Variants in GLI3 observed in about 807,000 individuals in gnomAD.
The protein encoded by GLI3 is transcription activator GLI3.
Under a neutral mutation model 100.8 loss-of-function variants are expected in GLI3, and 20 were observed. That is an observed-to-expected ratio of 0.20 (90% CI 0.14 to 0.29). The LOEUF (loss-of-function observed/expected upper bound fraction) is 0.29. Ranked by LOEUF, GLI3 falls within the 10% of genes least tolerant of loss-of-function variation. The probability of loss-of-function intolerance (pLI) is 1.00; values close to 1 mark genes in which losing one functional copy is unlikely to be tolerated. For synonymous variants in GLI3, 938 were observed against 860.5 expected, an observed-to-expected ratio of 1.09 and a Z score of -1.58; for missense variants, 2,040 against 2,128.5, an observed-to-expected ratio of 0.96 and a Z score of 0.82.
chr7:42,230,838 T>C (rs1788683391), intron 1 of GLI3, among the ~76,000 whole-genome samples: 1 of 152,166 alleles, frequency 6.6e-6, no homozygotes, highest in South Asian at 2.1e-4. Context: ...GCACCCCCAC[T>C]TTCTACGGGG....
chr7:41,972,506 T>G lies in GLI3; in HGVS notation c.1934A>C (p.Asp645Ala). The G allele has an allele frequency of 6.2e-7, 1 of 1,613,316 alleles. No individual in the cohort carries two copies. The highest frequency in any genetic ancestry group is 8.5e-7 in the Non-Finnish European group (1 of 1,179,964). ...CGGGGGTGGCGGCCGAGGATGGATGTCCCCTCGCTGCTTCTTGGTGACATG... is the reference window on the plus strand; with the variant it reads ...CGGGGGTGGCGGCCGAGGATGGATGGCCCCTCGCTGCTTCTTGGTGACATG... ...EAHVTKKQRG[D>A]IHPRPPPPRD... The change falls in exon 13 of 15, where the codon GAC becomes GCC. Residue 645 changes from aspartate to alanine, a missense_variant. Asp to Ala is a moderately radical substitution (Grantham distance 126). This residue lies in a region of GLI3 where 327 missense variants were observed against 338.7 expected (regional missense o/e 0.97). Transcript: ENST00000395925. The surrounding 1 kb of genome is among the most constrained non-coding windows in gnomAD (Gnocchi z 4.4).
At chr7:42,246,948 C>A (rs889271006) in intron 1 of GLI3, among the ~76,000 whole-genome samples, 1 of 150,792 alleles carries the variant, frequency 6.6e-6, no homozygotes, top group African/African-American at 2.4e-5. Context: ...ACACCCTGAA[C>A]AAGGCAAGGC....
At chr7:41,989,773 C>T (rs926610760) in intron 10 of GLI3, among the ~76,000 whole-genome samples, 3 of 151,914 alleles carry the variant, frequency 2.0e-5, no homozygotes, top group East Asian at 1.9e-4. Context: ...TGGCTCACAC[C>T]TGTAATCCCA....
intron 3 of GLI3, among the ~76,000 whole-genome samples, chr7:42,143,340 GAACTGTCACTGCCTTTGCAGTTTGGTC>G: frequency 6.6e-6 from 1 of 152,342 alleles, no homozygotes; most frequent in Admixed American, 6.5e-5. Flanking sequence ...AGAGCTCAGG[GAACTGTCACTGCCTTTGCAGTTTGGTC>G]AAGACAAAAC....
chr7:42,008,624 C>T (rs1788526192), intron 10 of GLI3, among the ~76,000 whole-genome samples: 1 of 152,150 alleles, frequency 6.6e-6, no homozygotes. Flanking sequence ...CTGTCAACCA[C>T]TCTACACGAG....
At position 42,247,597 on chromosome 7, in the gene GLI3, T is replaced by C. The variant is rs148217152; in HGVS notation, c.-43+16397A>G. 5.2e-3 allele frequency among the ~76,000 whole-genome samples: 787 copies of C among 152,310 alleles called. 4 individuals carry two copies. The highest frequency in any genetic ancestry group is 0.017 in the African/African-American group (712 of 41,570). ...GCTTCTTATTCTGCTTCCGTGTAAG[T>C]TTGTGGTGCATGGTCCAGTACTTCA... On this transcript the variant is annotated intron_variant, in intron 1 of 2. Transcript: ENST00000678978.
chr7:42,015,262 C>T (rs575539049), intron 10 of GLI3, among the ~76,000 whole-genome samples: 1 of 152,124 alleles, frequency 6.6e-6, no homozygotes, highest in Non-Finnish European at 1.5e-5. Flanking sequence ...TCCCATCCCC[C>T]ACTCACTGAT....
chr7:41,968,686 G>GAAGAAAGAAAGAAAGAAAGA (rs748578300), intron 13 of GLI3, among the ~76,000 whole-genome samples: 3 of 76,204 alleles, frequency 3.9e-5, no homozygotes, highest in African/African-American at 1.1e-4. Context: ...AAGAAAGAAA[G>GAAGAAAGAAAGAAAGAAAGA]AAGAAAGAAA....
At chr7:41,974,747 G>A (rs1787463454) in intron 12 of GLI3, among the ~76,000 whole-genome samples, 1 of 152,228 alleles carries the variant, frequency 6.6e-6, no homozygotes, top group South Asian at 2.1e-4. Flanking sequence ...TCATGTACAT[G>A]AAGTGCTTAC....
At chr7:42,193,928 G>C (rs1471125281) in intron 2 of GLI3, among the ~76,000 whole-genome samples, 1 of 152,082 alleles carries the variant, frequency 6.6e-6, no homozygotes, top group African/African-American at 2.4e-5. Flanking sequence ...AACAGATACC[G>C]CTAAAGCTCC....
chr7:42,239,161 C>T (rs1219979909), upstream of GLI3, among the ~76,000 whole-genome samples: 1 of 152,160 alleles, frequency 6.6e-6, no homozygotes, highest in African/African-American at 2.4e-5. Context: ...CTCGACCTCA[C>T]GGCTCAGGAA....
intron 3 of GLI3, among the ~76,000 whole-genome samples, chr7:42,113,163 C>T (rs1427668441): frequency 6.6e-6 from 1 of 152,050 alleles, no homozygotes; most frequent in Non-Finnish European, 1.5e-5. Flanking sequence ...GGCGACAGAG[C>T]GAGACTCTGT....
In GLI3 at chr7:41,972,358, G is replaced by T; in HGVS notation, c.2082C>A (p.Thr694=). 1.2e-6 allele frequency: 2 copies of T among 1,614,064 alleles called. No homozygotes were observed. Among genetic ancestry groups the T allele is most frequent in the Non-Finnish European group, 8.5e-7 (1 of 1,179,988 alleles). The stretch of plus-strand genomic sequence containing the variant: ...ATACCATTGGCTTCTCTGCCTTGAC[G>T]GTTTTCACCTGGAGGCATTCTTCCC... ...SKREECLQVK[T]VKAEKPMTSQ... The change falls in exon 13 of 15, where the codon ACC becomes ACA. Residue 694 remains threonine (T), a synonymous_variant. Coordinates refer to ENST00000395925, the MANE Select transcript of GLI3 (RefSeq NM_000168.6). This position sits in a 1 kb window ranked among gnomAD's most constrained non-coding sequence, Gnocchi z 4.4.
At chr7:42,253,322 G>A (rs1180401534) in intron 1 of GLI3, among the ~76,000 whole-genome samples, 1 of 152,208 alleles carries the variant, frequency 6.6e-6, no homozygotes, top group Non-Finnish European at 1.5e-5. Flanking sequence ...GCTGCTCGGG[G>A]AGACATCCAA....
intron 3 of GLI3, among the ~76,000 whole-genome samples, chr7:42,116,282 C>T (rs1436822780): frequency 6.6e-6 from 1 of 152,030 alleles, no homozygotes; most frequent in Non-Finnish European, 1.5e-5. Flanking sequence ...AGCACACGAG[C>T]TCATGTGATT....
chr7:42,157,522 T>C (rs1046218813), intron 2 of GLI3, among the ~76,000 whole-genome samples: 1 of 152,154 alleles, frequency 6.6e-6, no homozygotes, highest in African/African-American at 2.4e-5. Context: ...GTCTCTAAAT[T>C]GTTTAAGGAT....
chr7:42,050,630 G>C (rs1784334649), intron 4 of GLI3, among the ~76,000 whole-genome samples: 1 of 152,170 alleles, frequency 6.6e-6, no homozygotes, highest in South Asian at 2.1e-4. Flanking sequence ...TTTCCACTGA[G>C]GGACTGGTGC....
chr7:41,997,958 G>A (rs1480812629), intron 10 of GLI3, among the ~76,000 whole-genome samples: 1 of 152,146 alleles, frequency 6.6e-6, no homozygotes, highest in African/African-American at 2.4e-5. Context: ...TCAGAGGAGG[G>A]AAGCTTCTGC....
chr7:42,123,571 A>G lies in GLI3; in HGVS notation c.367+24655T>C, dbSNP rs915988695. 5.9e-5 allele frequency among the ~76,000 whole-genome samples: 9 copies of G among 152,344 alleles called. No homozygotes were observed. In the South Asian group the frequency reaches 1.9e-3, roughly 32 times the overall value. On this transcript the variant is annotated intron_variant, in intron 3 of 14. Transcript: ENST00000395925. ...TTTAGGCACAACACTTGAGAAATAAATAAAAATTCTCCATAGCATAAAATA... is the reference window on the plus strand; with the variant it reads ...TTTAGGCACAACACTTGAGAAATAAGTAAAAATTCTCCATAGCATAAAATA...
Sources: gnomAD v4.1 joint callset for allele counts (sites outside exome capture counted in the v4.1 genomes callset) on GRCh38, gnomAD v4.1.1 for gene constraint, gnomAD v4.1.1 regional missense constraint, Gnocchi (gnomAD v3.1) non-coding constraint, MANE v1.5 for transcripts, NCBI Gene and HGNC (gene_info 2026-07-23, HGNC 2026-07-21) for gene names.